Variants in DGAT1 observed in about 807,000 individuals in gnomAD.
The protein encoded by DGAT1 is diacylglycerol O-acyltransferase 1, also known as ACAT related gene product 1.
Under a neutral mutation model 72.6 loss-of-function variants are expected in DGAT1, and 60 were observed. The ratio of observed to expected loss-of-function variants is 0.83; its 90% confidence interval spans 0.67 to 1.02. The LOEUF (loss-of-function observed/expected upper bound fraction) is 1.02, where lower values mean the gene tolerates loss of function less well. Ranked by LOEUF, DGAT1 falls within the 50% of genes least tolerant of loss-of-function variation. DGAT1 has a pLI of 0.00. For missense variants in DGAT1, 592 were observed against 670.0 expected (o/e 0.88, Z 1.29); for synonymous variants, 290 against 267.5 (o/e 1.08, Z -0.82).
In DGAT1 at chr8:144,314,700, AT is replaced by A. The variant is rs1311063663; in HGVS notation, c.*1853del. 1.1e-5 allele frequency: 3 copies of A among 265,500 alleles called. No homozygotes were observed. Among genetic ancestry groups the A allele is most frequent in the Non-Finnish European group, 2.2e-5 (3 of 136,760 alleles). 16.4% of individuals were successfully genotyped at this position (265,500 alleles called of 1,614,324 possible). On this transcript the variant is annotated 3_prime_UTR_variant, in exon 17 of 17. Transcript: ENST00000528718. ...GGACGGACAAGACAGGCAGAGATCT[AT>A]AAACAGACAGGCTCTATGCTATGGC...
At chr8:144,326,143 G>A (rs552917698) in intron 1 of DGAT1, among the ~76,000 whole-genome samples, 1 of 152,070 alleles carries the variant, frequency 6.6e-6, no homozygotes, top group African/African-American at 2.4e-5. Flanking sequence ...CCACCAGCCC[G>A]CCCCTCGAAA....
At chr8:144,323,760 C>A (rs782268944) in intron 1 of DGAT1, among the ~76,000 whole-genome samples, 1 of 152,222 alleles carries the variant, frequency 6.6e-6, no homozygotes, top group Non-Finnish European at 1.5e-5. Flanking sequence ...CACATGCCCA[C>A]CCGCCACCCT....
intron 2 of DGAT1, among the ~76,000 whole-genome samples, chr8:144,320,528 G>A (rs890689120): frequency 6.6e-6 from 1 of 152,168 alleles, no homozygotes; most frequent in Non-Finnish European, 1.5e-5. Flanking sequence ...AGATAGACAC[G>A]CCTGGGTGAA....
Position 144,317,902 on chromosome 8 carries a change from C to T in DGAT1, c.855+12G>A. ...CTAGCCTCCAGTGGCTGCCCCCAGC[C>T]CCCAACCTCACCATCTCAAGGATCC... On this transcript the variant is annotated intron_variant, in intron 9 of 16. Coordinates refer to ENST00000528718, the MANE Select transcript of DGAT1 (RefSeq NM_012079.6). 2 of 1,530,894 alleles carry T rather than the reference C, an allele frequency of 1.3e-6. No homozygotes were observed. The highest frequency in any genetic ancestry group is 1.8e-6 in the Non-Finnish European group (2 of 1,140,896). The allele number at this position is 1,530,894 out of a possible 1,614,324, so 94.8% of individuals were successfully genotyped here. A position where few individuals can be genotyped will look rare whatever the true frequency, so the allele number is the denominator to read the frequency against.
chr8:144,326,450 G>T lies in DGAT1; in HGVS notation c.187C>A (p.His63Asn). 13 of 1,367,162 alleles carry T rather than the reference G, an allele frequency of 9.5e-6. No individual in the cohort carries two copies. Among genetic ancestry groups the T allele is most frequent in the Non-Finnish European group, 1.2e-5 (13 of 1,049,104 alleles). 84.7% of individuals were successfully genotyped at this position (1,367,162 alleles called of 1,614,324 possible). A position where few individuals can be genotyped will look rare whatever the true frequency, so the allele number is the denominator to read the frequency against. ...GCGCTCCGCTACCTCAGCTCCCAGT[G>T]GCCGCTGCCCACGCCGGCGTCTCCG... The part of the protein sequence containing the change: ...KDGDAGVGSG[H>N]WELRCHRLQD... The change falls in exon 1 of 17, where the codon CAC becomes AAC. Residue 63 changes from histidine (H) to asparagine (N), a missense_variant. Physicochemically the swap from His to Asn is moderately conservative, Grantham distance 68. Coordinates refer to ENST00000528718, the MANE Select transcript of DGAT1 (RefSeq NM_012079.6).
rs782807128 is a variant in DGAT1, at chr8:144,316,545, A to G, written c.*9T>C. The G allele has an allele frequency of 3.3e-5, 52 of 1,580,338 alleles. No homozygotes were observed. The highest frequency in any genetic ancestry group is 4.3e-5 in the Non-Finnish European group (50 of 1,162,184). On this transcript the variant is annotated 3_prime_UTR_variant, in exon 17 of 17. Transcript: ENST00000528718. ...GGTGGCAGTGAGAAGCCAGGCCCTC[A>G]GGTGCAGCTCAGGCCTCTGCCGCTG...
Position 144,314,776 on chromosome 8 carries a change from T to C in DGAT1, c.*1778A>G. ...GGTGGTGCGGTGGGTGGTGCTGCAA[T>C]GAGGAGGGGCCCAGGGCACAGAAGG... On this transcript the variant is annotated 3_prime_UTR_variant, in exon 17 of 17. Transcript: ENST00000528718. 5.5e-6 allele frequency: 2 copies of C among 366,732 alleles called. No homozygotes were observed. The highest frequency in any genetic ancestry group is 1.4e-4 in the East Asian group (1 of 7,206). 22.7% of individuals were successfully genotyped at this position (366,732 alleles called of 1,614,324 possible). A position where few individuals can be genotyped will look rare whatever the true frequency, so the allele number is the denominator to read the frequency against.
rs1817128466 is a variant in DGAT1 at position 144,314,824 on chromosome 8, G to C, written c.*1730C>G. The C allele has an allele frequency of 3.5e-6, 3 of 869,344 alleles. No individual in the cohort carries two copies. The African/African-American group carries it at 5.5e-5, about 16-fold the overall frequency. The allele number at this position is 869,344 out of a possible 1,614,324, so 53.9% of individuals were successfully genotyped here. ...AGGGCCGGGCTGCAGTGGCCTCCTG[G>C]GGGAAGACGGATGCTTGCAGCTAGC... On this transcript the variant is annotated 3_prime_UTR_variant, in exon 17 of 17. Transcript: ENST00000528718.
chr8:144,315,055 G>A lies in DGAT1; in HGVS notation c.*1499C>T, dbSNP rs902957771. On this transcript the variant is annotated 3_prime_UTR_variant, in exon 17 of 17. Transcript: ENST00000528718. ...CAGAGCCAGCACCCTGTGTAGGCAC[G>A]GGGAACGGGAGCCTGTCCCGTAGCT... 10 of 985,324 alleles carry A rather than the reference G, an allele frequency of 1.0e-5. No individual in the cohort carries two copies. The highest frequency in any genetic ancestry group is 1.2e-5 in the Non-Finnish European group (10 of 830,020). The allele number at this position is 985,324 out of a possible 1,614,324, so 61.0% of individuals were successfully genotyped here. A position where few individuals can be genotyped will look rare whatever the true frequency, so the allele number is the denominator to read the frequency against.
chr8:144,326,675 CG>C lies in DGAT1; in HGVS notation c.-40del. On this transcript the variant is annotated 5_prime_UTR_variant, in exon 1 of 17. Coordinates refer to ENST00000528718, the MANE Select transcript of DGAT1 (RefSeq NM_012079.6). ...ACCCGGCCGCAGCCAAGCGTGGGCC[CG>C]CCGGGTTCGTAGCGCCCGAGGCGCG... 8.6e-7 allele frequency: 1 copy of C among 1,160,758 alleles called. No homozygotes were observed. The highest frequency in any genetic ancestry group is 1.1e-6 in the Non-Finnish European group (1 of 942,390). The allele number at this position is 1,160,758 out of a possible 1,614,324, so 71.9% of individuals were successfully genotyped here. A position where few individuals can be genotyped will look rare whatever the true frequency, so the allele number is the denominator to read the frequency against.
chr8:144,324,663 C>T (rs1817549462), intron 1 of DGAT1, among the ~76,000 whole-genome samples: 1 of 152,160 alleles, frequency 6.6e-6, no homozygotes, highest in Non-Finnish European at 1.5e-5. Context: ...AGCAGAAGTA[C>T]AGGAAAGCCT....
chr8:144,317,721 G>C lies in DGAT1; in HGVS notation c.895-9C>G. 6.2e-7 allele frequency: 1 copy of C among 1,613,744 alleles called. No individual in the cohort carries two copies. The highest frequency in any genetic ancestry group is 8.5e-7 in the Non-Finnish European group (1 of 1,179,938). ...ATGGTGGGGACCATCCACTGCAAAGGAGGGCACCACGTCAGCTCCCAGCCA... is the reference window on the plus strand; with the variant it reads ...ATGGTGGGGACCATCCACTGCAAAGCAGGGCACCACGTCAGCTCCCAGCCA... On this transcript the variant is annotated splice_polypyrimidine_tract_variant and intron_variant, in intron 10 of 16. Coordinates refer to ENST00000528718, the MANE Select transcript of DGAT1 (RefSeq NM_012079.6).
chr8:144,315,790 GT>G lies in DGAT1; in HGVS notation c.*763del, dbSNP rs1817186609. The G allele has an allele frequency of 1.0e-6, 1 of 966,698 alleles. No individual in the cohort carries two copies. The highest frequency in any genetic ancestry group is 6.2e-5 in the Admixed American group (1 of 16,248). The allele number at this position is 966,698 out of a possible 1,614,324, so 59.9% of individuals were successfully genotyped here. On this transcript the variant is annotated 3_prime_UTR_variant, in exon 17 of 17. Transcript: ENST00000528718. ...GCCACCAGCCCACCTGGCTGCCCAG[GT>G]TCCAAGTGAAGGAAAGAGGCTGCCA...
Position 144,317,811 on chromosome 8 carries a change from G to T in DGAT1, c.867C>A (p.Thr289=). 1.2e-6 allele frequency: 2 copies of T among 1,612,074 alleles called. No homozygotes were observed. Among genetic ancestry groups the T allele is most frequent in the East Asian group, 2.2e-5 (1 of 44,854 alleles). ...GCTGGATCAGCCCCACCTGGAGCTGGGTGAAGAACAGCTGGGGGGGAAACA... is the reference window on the plus strand; with the variant it reads ...GCTGGATCAGCCCCACCTGGAGCTGTGTGAAGAACAGCTGGGGGGGAAACA... ...LRRILEMLFF[T]QLQVGLIQQW... Residue 289 remains threonine, a synonymous_variant, in exon 10 of 17, where the codon ACC becomes ACA. Transcript: ENST00000528718.
chr8:144,318,580 C>T lies in DGAT1; in HGVS notation c.469-14G>A. The T allele has an allele frequency of 6.2e-7, 1 of 1,610,260 alleles. No homozygotes were observed. The highest frequency in any genetic ancestry group is 8.5e-7 in the Non-Finnish European group (1 of 1,178,804). On this transcript the variant is annotated splice_polypyrimidine_tract_variant and intron_variant, in intron 5 of 16. Transcript: ENST00000528718. ...CGTCAGGGCACCCTGGAGTGGGGAG[C>T]AGAGCACTCAACCAGGGCTCCCATT...
At chr8:144,324,120 G>A (rs1817533430) in intron 1 of DGAT1, among the ~76,000 whole-genome samples, 1 of 152,244 alleles carries the variant, frequency 6.6e-6, no homozygotes. Context: ...TGAGCCACAA[G>A]CAGAGCAGAA....
chr8:144,317,809 T>C lies in DGAT1; in HGVS notation c.869A>G (p.Gln290Arg). ...CTGCTGGATCAGCCCCACCTGGAGC[T>C]GGGTGAAGAACAGCTGGGGGGGAAA... ...RRILEMLFFT[Q>R]LQVGLIQQWM... is the part of the protein sequence containing the mutation. Residue 290 changes from glutamine to arginine, a missense_variant, in exon 10 of 17, where the codon CAG becomes CGG. By Grantham distance (43) the Gln-to-Arg change is conservative. Transcript: ENST00000528718. 6.2e-7 allele frequency: 1 copy of C among 1,612,244 alleles called. No individual in the cohort carries two copies. The highest frequency in any genetic ancestry group is 8.5e-7 in the Non-Finnish European group (1 of 1,179,322).
rs1317378613 is a variant in DGAT1, at chr8:144,315,964, G to A, written c.*590C>T. ...GGAGCCCACTTCCCGCAAACCCAGG[G>A]CCGACCTCTTCCCAAGCTGAAGCTG... On this transcript the variant is annotated 3_prime_UTR_variant, in exon 17 of 17. Coordinates refer to ENST00000528718, the MANE Select transcript of DGAT1 (RefSeq NM_012079.6). 9 of 986,426 alleles carry A rather than the reference G, an allele frequency of 9.1e-6. No individual in the cohort carries two copies. The highest frequency in any genetic ancestry group is 1.1e-5 in the Non-Finnish European group (9 of 830,766). The allele number at this position is 986,426 out of a possible 1,614,324, so 61.1% of individuals were successfully genotyped here. A position where few individuals can be genotyped will look rare whatever the true frequency, so the allele number is the denominator to read the frequency against.
At chr8:144,318,663 G>C in intron 5 of DGAT1, 36 bp downstream of exon 5, 1 of 1,607,666 alleles carries the variant, frequency 6.2e-7, no homozygotes, top group Non-Finnish European at 8.5e-7. Flanking sequence ...GCACACAGCA[G>C]GGTGAGCACA....
Sources: allele counts gnomAD v4.1 joint callset (sites outside exome capture counted in the v4.1 genomes callset), GRCh38; gene constraint gnomAD v4.1.1; transcripts MANE v1.5; gene names NCBI Gene and HGNC (gene_info 2026-07-23, HGNC 2026-07-21).